Variants in NCKAP1 observed in about 807,000 individuals in gnomAD.
NCKAP1 encodes the protein NCK associated protein 1, also known as nck-associated protein 1.
In NCKAP1, 21 loss-of-function variants were observed where a neutral mutation model predicts 151.2. The observed-to-expected ratio is 0.14, with a 90% CI of 0.10 to 0.20. The LOEUF (loss-of-function observed/expected upper bound fraction) is 0.20, where lower values mean the gene tolerates loss of function less well. Among genes scored for constraint, NCKAP1 ranks in the 10% least tolerant of loss-of-function variants. The pLI is 1.00. For missense variants in NCKAP1, 933 were observed against 1,352.1 expected (o/e 0.69, Z 4.86); for synonymous variants, 484 against 451.8 (o/e 1.07, Z -0.90).
At chr2:182,992,885 A>C (rs895378680) in intron 8 of NCKAP1, among the ~76,000 whole-genome samples, 4 of 152,174 alleles carry the variant, frequency 2.6e-5, no homozygotes, top group Non-Finnish European at 4.4e-5. Context: ...CTAGTAATAA[A>C]AACTATGAGC....
At chr2:183,029,402 C>T (rs1024031739) in intron 1 of NCKAP1, among the ~76,000 whole-genome samples, 4 of 152,106 alleles carry the variant, frequency 2.6e-5, no homozygotes, top group Middle Eastern at 3.4e-3. Context: ...GGATTACATA[C>T]CACAGCTTAA....
intron 9 of NCKAP1, among the ~76,000 whole-genome samples, chr2:182,988,797 T>G (rs541014131): frequency 6.6e-6 from 1 of 152,280 alleles, no homozygotes; most frequent in African/African-American, 2.4e-5. Flanking sequence ...TATTACATGT[T>G]TTGAAAGGTC....
In NCKAP1 at chr2:182,967,372, C is replaced by CAAA; in HGVS notation, c.1483-14_1483-12dup. ...GACACTAGTATATGCCTATAAAGTA[C>CAAA]AAAAAAAAAAAAGTAGTTCAGGTAA... On this transcript the variant is annotated splice_polypyrimidine_tract_variant and intron_variant, in intron 15 of 30. Transcript: ENST00000361354. The CAAA allele has an allele frequency of 1.1e-5, 14 of 1,322,980 alleles. No homozygotes were observed. Among genetic ancestry groups the CAAA allele is most frequent in the South Asian group, 4.3e-5 (3 of 69,566 alleles). 82.0% of individuals were successfully genotyped at this position (1,322,980 alleles called of 1,614,324 possible). A position where few individuals can be genotyped will look rare whatever the true frequency, so the allele number is the denominator to read the frequency against.
At chr2:182,986,336 C>A in intron 9 of NCKAP1, 109 bp from the exon 10 acceptor site, 1 of 882,134 alleles carries the variant, frequency 1.1e-6, no homozygotes, top group Non-Finnish European at 1.8e-6. Context: ...AATTCAGAAA[C>A]TGGCCATCAA....
Position 182,914,418 on chromosome 2 carries a change from C to G in NCKAP1, c.*11284G>C, listed in dbSNP as rs558286556. The G allele has an allele frequency of 1.3e-5, 2 of 152,258 alleles. No individual in the cohort carries two copies. The highest frequency in any genetic ancestry group is 3.9e-4 in the East Asian group (2 of 5,188). The allele number at this position is 152,258 out of a possible 1,614,324, so 9.4% of individuals were successfully genotyped here. A position where few individuals can be genotyped will look rare whatever the true frequency, so the allele number is the denominator to read the frequency against. On this transcript the variant is annotated 3_prime_UTR_variant, in exon 31 of 31. Coordinates refer to ENST00000361354, the MANE Select transcript of NCKAP1 (RefSeq NM_013436.5). ...ATGAATAGATTAAAACAGGCAATTTCTATTTCTTTAACTTTCCTACTCAAG... is the reference window on the plus strand; with the variant it reads ...ATGAATAGATTAAAACAGGCAATTTGTATTTCTTTAACTTTCCTACTCAAG...
Position 182,976,932 on chromosome 2 carries a change from A to G in NCKAP1, c.1443T>C (p.Phe481=). Residue 481 remains phenylalanine, a synonymous_variant, in exon 15 of 31, where the codon TTT becomes TTC. Transcript: ENST00000361354. ...SVKQVEDGEV[F]DFRGMRLDWF... ...AATCTAATCTCATTCCTCTGAAATC[A>G]AATACTTCCCCATCTTCAACTGTAG... 2 of 1,545,992 alleles carry G rather than the reference A, an allele frequency of 1.3e-6. No homozygotes were observed. Among genetic ancestry groups the G allele is most frequent in the South Asian group, 1.2e-5 (1 of 80,548 alleles).
At chr2:182,928,256 C>T (rs955480644) in intron 28 of NCKAP1, 30 bp from the exon 29 acceptor site, 1 of 1,471,678 alleles carries the variant, frequency 6.8e-7, no homozygotes. Context: ...GTTGTGTAGA[C>T]CCCAAAATAG....
At chr2:183,022,974 C>A (rs930384630) in intron 2 of NCKAP1, 2 of 151,968 alleles carry the variant, frequency 1.3e-5, no homozygotes, top group African/African-American at 2.4e-5. Flanking sequence ...GACCAGCTGA[C>A]GATATATCTT....
At chr2:182,942,573 G>C (rs188529950) in intron 23 of NCKAP1, among the ~76,000 whole-genome samples, 1 of 152,170 alleles carries the variant, frequency 6.6e-6, no homozygotes. Context: ...TAGACAATGA[G>C]TATTACTGGA....
Position 182,917,931 on chromosome 2 carries a change from C to G in NCKAP1, c.*7771G>C, listed in dbSNP as rs986700461. 5.9e-5 allele frequency: 9 copies of G among 152,042 alleles called. No individual in the cohort carries two copies. The highest frequency in any genetic ancestry group is 2.2e-4 in the African/African-American group (9 of 41,390). 9.4% of individuals were successfully genotyped at this position (152,042 alleles called of 1,614,324 possible). ...AAGAAGCAACTTAGACCCATGAAGG[C>G]CAGAAAGTGGGCATAGTGTCCCCAA... On this transcript the variant is annotated 3_prime_UTR_variant, in exon 31 of 31. Coordinates refer to ENST00000361354, the MANE Select transcript of NCKAP1 (RefSeq NM_013436.5).
intron 15 of NCKAP1, among the ~76,000 whole-genome samples, chr2:182,967,620 G>A (rs1355318812): frequency 6.6e-6 from 1 of 152,060 alleles, no homozygotes; most frequent in Non-Finnish European, 1.5e-5. Flanking sequence ...CAAAGGAACT[G>A]AAGTTAAAAT....
chr2:182,941,225 A>T (rs1696988434), intron 24 of NCKAP1, among the ~76,000 whole-genome samples: 1 of 152,192 alleles, frequency 6.6e-6, no homozygotes, highest in Non-Finnish European at 1.5e-5. Flanking sequence ...GTTCAAGTAA[A>T]AAAAGCAAAA....
At position 182,952,491 on chromosome 2, in the gene NCKAP1, A is replaced by G; in HGVS notation, c.2515T>C (p.Leu839=). The G allele has an allele frequency of 1.3e-6, 2 of 1,598,088 alleles. No individual in the cohort carries two copies. The highest frequency in any genetic ancestry group is 1.7e-6 in the Non-Finnish European group (2 of 1,172,464). ...EYSDISEMRS[L]SELLGPYGMK... ...CCATATGGGCCTAGTAGTTCTGATA[A>G]TGACCTCATTTCTGAAAGAAAACAT... Residue 839 remains leucine (L), a synonymous_variant, in exon 23 of 31, where the codon TTA becomes CTA. Coordinates refer to ENST00000361354, the MANE Select transcript of NCKAP1 (RefSeq NM_013436.5).
At chr2:182,934,140 T>A (rs1696822810) in intron 26 of NCKAP1, among the ~76,000 whole-genome samples, 1 of 152,000 alleles carries the variant, frequency 6.6e-6, no homozygotes, top group African/African-American at 2.4e-5. Flanking sequence ...CATTGCTTCA[T>A]CTTTCTTTTT....
intron 24 of NCKAP1, among the ~76,000 whole-genome samples, chr2:182,938,352 AG>A (rs1251368923): frequency 6.6e-6 from 1 of 152,226 alleles, no homozygotes; most frequent in Non-Finnish European, 1.5e-5. Flanking sequence ...AAAACGACGA[AG>A]AGTAGAGATA....
At chr2:182,926,573 GA>G (rs766103836) in intron 30 of NCKAP1, among the ~76,000 whole-genome samples, 5 of 152,032 alleles carry the variant, frequency 3.3e-5, no homozygotes, top group East Asian at 3.8e-4. Flanking sequence ...CCAACAGGTT[GA>G]AAAACTGTTC....
Position 182,920,431 on chromosome 2 carries a change from T to C in NCKAP1, c.*5271A>G, listed in dbSNP as rs886294748. 3.3e-5 allele frequency: 5 copies of C among 152,236 alleles called. No individual in the cohort carries two copies. The highest frequency in any genetic ancestry group is 9.6e-5 in the African/African-American group (4 of 41,462). The allele number at this position is 152,236 out of a possible 1,614,324, so 9.4% of individuals were successfully genotyped here. ...CCACATCATTCCAGTGTCACATTTC[T>C]AGAACCAAAATATGAGTCCGTGTGG... On this transcript the variant is annotated 3_prime_UTR_variant, in exon 31 of 31. Coordinates refer to ENST00000361354, the MANE Select transcript of NCKAP1 (RefSeq NM_013436.5).
chr2:183,011,442 C>T (rs933569283), intron 2 of NCKAP1, among the ~76,000 whole-genome samples: 2 of 152,168 alleles, frequency 1.3e-5, no homozygotes, highest in Admixed American at 1.3e-4. Context: ...ACAGTTAATC[C>T]TGCTGTTACT....
rs140820523 is a variant in NCKAP1 at position 182,942,165 on chromosome 2, TA to T, written c.2602-3del. ...ATCAACATTCTCCACCACAAGTTTC[TA>T]AAAAAAAAAGAAAGATCCTAGGTCA... is the stretch of plus-strand genomic sequence containing the variant. On this transcript the variant is annotated splice_polypyrimidine_tract_variant and splice_region_variant and intron_variant, in intron 23 of 30. Transcript: ENST00000361354. The T allele has an allele frequency of 0.12, 171,488 of 1,426,110 alleles. 9,529 individuals are homozygous for T. Among genetic ancestry groups the T allele is most frequent in the Non-Finnish European group, 0.14 (142,635 of 1,052,914 alleles). 88.3% of individuals were successfully genotyped at this position (1,426,110 alleles called of 1,614,324 possible). A position where few individuals can be genotyped will look rare whatever the true frequency, so the allele number is the denominator to read the frequency against.
Sources: allele counts gnomAD v4.1 joint callset (sites outside exome capture counted in the v4.1 genomes callset), GRCh38; gene constraint gnomAD v4.1.1; transcripts MANE v1.5; gene names NCBI Gene and HGNC (gene_info 2026-07-23, HGNC 2026-07-21).